Variants in SORCS2 observed in about 807,000 individuals in gnomAD.
The protein encoded by SORCS2 is sortilin related VPS10 domain containing receptor 2, also known as VPS10 domain-containing receptor SorCS2.
SORCS2 carries 100 observed loss-of-function variants against 141.6 expected under a neutral mutation model. The observed-to-expected ratio is 0.71, with a 90% CI of 0.60 to 0.83. SORCS2 has a LOEUF of 0.83. SORCS2 is among the 40% of genes least tolerant of loss of function. The pLI, the probability that SORCS2 is intolerant of heterozygous loss-of-function variation, is 0.00. For synonymous variants in SORCS2, 789 were observed against 676.9 expected (o/e 1.17, Z -2.57); for missense variants, 1,646 against 1,560.2 (o/e 1.05, Z -0.93).
intron 1 of SORCS2, among the ~76,000 whole-genome samples, chr4:7,318,131 G>A (rs1474033318): frequency 6.6e-6 from 1 of 152,186 alleles, no homozygotes; most frequent in Non-Finnish European, 1.5e-5. Flanking sequence ...GCCACACTTT[G>A]GCGGCCATTT....
intron 1 of SORCS2, among the ~76,000 whole-genome samples, chr4:7,232,879 G>C (rs989902820): frequency 2.6e-5 from 4 of 152,204 alleles, no homozygotes; most frequent in African/African-American, 9.6e-5. Context: ...TCAAAGTCAA[G>C]ATTTGGTAAG....
At chr4:7,701,985 C>T (rs1376611163) in intron 12 of SORCS2, among the ~76,000 whole-genome samples, 1 of 140,964 alleles carries the variant, frequency 7.1e-6, no homozygotes, top group Non-Finnish European at 1.6e-5. Flanking sequence ...CTTCCTTATC[C>T]CGCCCCACAT....
intron 1 of SORCS2, among the ~76,000 whole-genome samples, chr4:7,356,367 C>G (rs1247842031): frequency 6.6e-6 from 1 of 152,198 alleles, no homozygotes; most frequent in Non-Finnish European, 1.5e-5. Flanking sequence ...GCTGGGAAGT[C>G]CAAGGTCAAG....
chr4:7,628,319 C>A (rs375982353), intron 3 of SORCS2, among the ~76,000 whole-genome samples: 4 of 152,064 alleles, frequency 2.6e-5, no homozygotes, highest in African/African-American at 9.7e-5. Context: ...TCAGGAGATC[C>A]AGACCATCCT....
chr4:7,539,478 C>G (rs1431361246), intron 3 of SORCS2, among the ~76,000 whole-genome samples: 3 of 152,210 alleles, frequency 2.0e-5, no homozygotes, highest in Non-Finnish European at 2.9e-5. Context: ...TTGTTCTGCT[C>G]TTTGTCTGTG....
chr4:7,218,627 C>T (rs752885532), intron 1 of SORCS2, among the ~76,000 whole-genome samples: 2 of 152,150 alleles, frequency 1.3e-5, no homozygotes, highest in African/African-American at 2.4e-5. Context: ...GATGTGAGCA[C>T]GATTAGATGC....
chr4:7,433,927 G>A (rs757260947), intron 2 of SORCS2: 3 of 1,613,702 alleles, frequency 1.9e-6, no homozygotes, highest in Non-Finnish European at 2.5e-6. Flanking sequence ...CAGGGCATGG[G>A]TGATCATGAG....
chr4:7,527,575 T>C (rs1041524308), intron 2 of SORCS2, among the ~76,000 whole-genome samples: 2 of 152,192 alleles, frequency 1.3e-5, no homozygotes, highest in African/African-American at 4.8e-5. Context: ...TGATTAGCCC[T>C]GTAAGACCCC....
intron 2 of SORCS2, among the ~76,000 whole-genome samples, chr4:7,415,216 A>G (rs1316893836): frequency 6.6e-6 from 1 of 152,188 alleles, no homozygotes; most frequent in Non-Finnish European, 1.5e-5. Context: ...TAGGACTTGA[A>G]GCAACACAGG....
chr4:7,420,614 G>A (rs1434407967), intron 2 of SORCS2, among the ~76,000 whole-genome samples: 2 of 152,058 alleles, frequency 1.3e-5, no homozygotes, highest in Non-Finnish European at 2.9e-5. Context: ...GTCACTGGAG[G>A]GGCTGCACAC....
chr4:7,266,084 C>G (rs1162576269), intron 1 of SORCS2, among the ~76,000 whole-genome samples: 1 of 152,136 alleles, frequency 6.6e-6, no homozygotes, highest in Non-Finnish European at 1.5e-5. Flanking sequence ...TCCCTTTTTT[C>G]TGGAGCCCGA....
rs78712267 is a variant in SORCS2 at position 7,435,101 on chromosome 4, A to C, written c.548+38746A>C. 6.7e-3 allele frequency: 3,812 copies of C among 572,436 alleles called. 125 individuals carry two copies. Among genetic ancestry groups the C allele is most frequent in the African/African-American group, 0.064 (3,429 of 53,226 alleles). The allele number at this position is 572,436 out of a possible 1,614,324, so 35.5% of individuals were successfully genotyped here. ...TCCCCTCTTTTCCCCTGGATAAGAT[A>C]AACTCTTAGCAGTTTTCTGAGCCTA... On this transcript the variant is annotated intron_variant, in intron 2 of 26. Coordinates refer to ENST00000507866, the MANE Select transcript of SORCS2 (RefSeq NM_020777.3).
chr4:7,416,147 G>A (rs1488566532), intron 2 of SORCS2, among the ~76,000 whole-genome samples: 1 of 152,164 alleles, frequency 6.6e-6, no homozygotes, highest in Admixed American at 6.5e-5. Flanking sequence ...GAGGGGCCTG[G>A]ACTCTGTTCT....
chr4:7,559,450 G>T (rs2109665494), intron 3 of SORCS2, among the ~76,000 whole-genome samples: 1 of 152,316 alleles, frequency 6.6e-6, no homozygotes, highest in Admixed American at 6.5e-5. Context: ...TATGCAGGAT[G>T]TCGTGGAGGC....
intron 14 of SORCS2, among the ~76,000 whole-genome samples, chr4:7,709,666 C>T (rs1219543961): frequency 1.3e-5 from 2 of 152,144 alleles, no homozygotes; most frequent in Non-Finnish European, 2.9e-5. Flanking sequence ...CCGGAGAGTT[C>T]CCACAGCCAC....
intron 1 of SORCS2, among the ~76,000 whole-genome samples, chr4:7,392,327 G>A (rs996912385): frequency 6.6e-6 from 1 of 151,958 alleles, no homozygotes; most frequent in African/African-American, 2.4e-5. Flanking sequence ...AGGAGCGGGT[G>A]ATGGGCTCTG....
intron 22 of SORCS2, 70 bp from the exon 23 acceptor site, chr4:7,729,517 C>G: frequency 6.6e-7 from 1 of 1,523,032 alleles, no homozygotes; most frequent in Non-Finnish European, 8.8e-7. Context: ...GAGGGTGTTC[C>G]TGGGGGCCCC....
intron 3 of SORCS2, among the ~76,000 whole-genome samples, chr4:7,629,917 G>A (rs190705984): frequency 1.3e-5 from 2 of 152,112 alleles, no homozygotes; most frequent in African/African-American, 4.8e-5. Flanking sequence ...GTGTGCTCTT[G>A]TATTTCCCCG....
intron 2 of SORCS2, among the ~76,000 whole-genome samples, chr4:7,409,704 G>A (rs1369178559): frequency 6.6e-6 from 1 of 152,168 alleles, no homozygotes; most frequent in African/African-American, 2.4e-5. Context: ...TGGGGACAGA[G>A]GCATCAAGGA....
Sources: gnomAD v4.1 joint callset for allele counts (sites outside exome capture counted in the v4.1 genomes callset) on GRCh38, gnomAD v4.1.1 for gene constraint, MANE v1.5 for transcripts, NCBI Gene and HGNC (gene_info 2026-07-23, HGNC 2026-07-21) for gene names.